Variants in HEATR4 observed in about 807,000 individuals in gnomAD.
The protein encoded by HEATR4 is HEAT repeat-containing protein 4.
In HEATR4, 95 loss-of-function variants were observed where a neutral mutation model predicts 108.8. The ratio of observed to expected loss-of-function variants is 0.87; its 90% CI spans 0.74 to 1.04. The LOEUF (loss-of-function observed/expected upper bound fraction) is 1.04. HEATR4 is among the 50% of genes least tolerant of loss of function. The pLI is 0.00. For missense variants in HEATR4, 1,152 were observed against 1,253.8 expected (o/e 0.92, Z 1.23); for synonymous variants, 443 against 459.4 (o/e 0.96, Z 0.46).
At chr14:73,508,024 G>T in intron 9 of HEATR4, 110 bp downstream of exon 9, 1 of 1,024,476 alleles carries the variant, frequency 9.8e-7, no homozygotes, top group East Asian at 2.4e-5. Flanking sequence ...GGGATTACAG[G>T]CATAAGCCAC....
chr14:73,608,658 C>A, the HEATR4 span, among the ~76,000 whole-genome samples: 4 of 152,158 alleles, frequency 2.6e-5, no homozygotes, highest in Admixed American at 1.3e-4. Flanking sequence ...TGCCTGTTAC[C>A]CAGTTCCAAA....
At chr14:73,584,033 A>G in the HEATR4 span, among the ~76,000 whole-genome samples, 1 of 151,770 alleles carries the variant, frequency 6.6e-6, no homozygotes, top group Admixed American at 6.6e-5. Context: ...GCTATGTATG[A>G]CCTTTCCAGG....
chr14:73,591,284 C>A, the HEATR4 span, among the ~76,000 whole-genome samples: 1 of 152,050 alleles, frequency 6.6e-6, no homozygotes, highest in African/African-American at 2.4e-5. Context: ...CAGCGGCTCA[C>A]GCCTGTAATC....
intron 7 of HEATR4, among the ~76,000 whole-genome samples, chr14:73,510,408 C>T (rs1887173165): frequency 6.6e-6 from 1 of 151,338 alleles, no homozygotes; most frequent in African/African-American, 2.4e-5. Flanking sequence ...CATCAGGCAT[C>T]CCTGTTGGCT....
chr14:73,609,432 T>C, the HEATR4 span, among the ~76,000 whole-genome samples: 1 of 152,238 alleles, frequency 6.6e-6, no homozygotes, highest in South Asian at 2.1e-4. Context: ...AGTCTAAAAG[T>C]ATGCACCATG....
At chr14:73,595,287 TAGG>T in the HEATR4 span, 3 of 1,614,078 alleles carry the variant, frequency 1.9e-6, no homozygotes, top group African/African-American at 4.0e-5. Context: ...AATGCTCTCG[TAGG>T]AGGGTACAAG....
At chr14:73,509,595 A>G (rs1373695211) in intron 7 of HEATR4, 122 bp from the exon 8 acceptor site, 1 of 922,600 alleles carries the variant, frequency 1.1e-6, no homozygotes, top group Non-Finnish European at 1.7e-6. Context: ...AGTGCTATGT[A>G]ATATAATTAC....
the HEATR4 span, among the ~76,000 whole-genome samples, chr14:73,577,873 CAG>C: frequency 6.6e-6 from 1 of 151,000 alleles, no homozygotes; most frequent in African/African-American, 2.4e-5. Flanking sequence ...TTTTTTGAGA[CAG>C]AGTCTCACTC....
intron 6 of HEATR4, among the ~76,000 whole-genome samples, chr14:73,513,584 A>T (rs1887398826): frequency 6.6e-6 from 1 of 151,812 alleles, no homozygotes; most frequent in Admixed American, 6.6e-5. Flanking sequence ...AAAGTTAACC[A>T]AGTGTGGTGG....
the HEATR4 span, chr14:73,612,368 C>T: frequency 2.4e-6 from 1 of 417,690 alleles, no homozygotes. Flanking sequence ...CTTATTTCAG[C>T]AGATACTCTT....
chr14:73,522,378 G>A lies in HEATR4; in HGVS notation c.775C>T (p.Leu259=). The change falls in exon 3 of 18, where the codon CTG becomes TTG. Residue 259 remains leucine (L), a synonymous_variant. Transcript: ENST00000553558. ...GTCTCTTCTGCCTCCAGCTGTTTCA[G>A]GAGCTCCAGGTCACTGGCAGAGGTA... ...ELTSASDLEL[L]KQLEAEETAE... 1.2e-6 allele frequency: 2 copies of A among 1,614,230 alleles called. No homozygotes were observed. Among genetic ancestry groups the A allele is most frequent in the Non-Finnish European group, 1.7e-6 (2 of 1,180,038 alleles).
upstream of HEATR4, among the ~76,000 whole-genome samples, chr14:73,562,576 C>T (rs546305976): frequency 2.6e-5 from 4 of 152,088 alleles, no homozygotes; most frequent in South Asian, 2.1e-4. Context: ...TACAAACGGA[C>T]GTGCAAGTAG....
Position 73,534,054 on chromosome 14 carries a change from C to G in HEATR4, c.-151-3810G>C, listed in dbSNP as rs1174346817. ...CCATCATGGTGCCATTGCACTCCAGCCTGGGTGACAGAGCAAGACCTAGTC... is the reference window on the plus strand; with the variant it reads ...CCATCATGGTGCCATTGCACTCCAGGCTGGGTGACAGAGCAAGACCTAGTC... On this transcript the variant is annotated intron_variant, in intron 1 of 17. Coordinates refer to ENST00000553558, the MANE Select transcript of HEATR4 (RefSeq NM_001220484.1). Among the ~76,000 whole-genome samples the G allele has an allele frequency of 2.7e-5, 3 of 111,768 alleles. 1 individual carries two copies. The highest frequency in any genetic ancestry group is 5.8e-5 in the Non-Finnish European group (3 of 51,656). The allele number at this position is 111,768 out of a possible 152,430, so 73.3% of individuals were successfully genotyped here. A position where few individuals can be genotyped will look rare whatever the true frequency, so the allele number is the denominator to read the frequency against.
chr14:73,594,952 G>A, the HEATR4 span: 81 of 1,446,834 alleles, frequency 5.6e-5, no homozygotes, highest in Non-Finnish European at 7.1e-5. Context: ...TGATCCGCCC[G>A]CCTCCGCCTC....
intron 11 of HEATR4, among the ~76,000 whole-genome samples, chr14:73,501,753 T>C (rs931887027): frequency 2.0e-5 from 3 of 151,396 alleles, no homozygotes; most frequent in Non-Finnish European, 4.4e-5. Context: ...TTTTATTTTA[T>C]TTTATTATTA....
chr14:73,631,104 A>G, the HEATR4 span, among the ~76,000 whole-genome samples: 22 of 152,344 alleles, frequency 1.4e-4, no homozygotes, highest in East Asian at 4.0e-3. Flanking sequence ...AATATGACAC[A>G]TGACAATTAT....
At chr14:73,494,064 T>C (rs528348037) in intron 16 of HEATR4, among the ~76,000 whole-genome samples, 1 of 152,328 alleles carries the variant, frequency 6.6e-6, no homozygotes, top group South Asian at 2.1e-4. Context: ...TGTGCCTTCA[T>C]AGACCTTAGG....
chr14:73,569,195 A>G, the HEATR4 span: 43 of 1,598,246 alleles, frequency 2.7e-5, no homozygotes, highest in Non-Finnish European at 3.5e-5. Context: ...GTTAGCAGAC[A>G]GCTCTGCCCT....
At chr14:73,570,894 A>T in the HEATR4 span, among the ~76,000 whole-genome samples, 956 of 109,954 alleles carry the variant, frequency 8.7e-3, 16 homozygotes, top group African/African-American at 0.033. Context: ...GACAAGAGTG[A>T]CTCTATCTTA....
Sources: gnomAD v4.1 joint callset for allele counts (sites outside exome capture counted in the v4.1 genomes callset) on GRCh38, gnomAD v4.1.1 for gene constraint, MANE v1.5 for transcripts, NCBI Gene and HGNC (gene_info 2026-07-23, HGNC 2026-07-21) for gene names.